CAMTA1: variants seen among roughly 807,000 people sequenced by gnomAD.
CAMTA1 encodes calmodulin binding transcription activator 1.
In CAMTA1, 27 loss-of-function variants were observed where a neutral mutation model predicts 170.9. The observed-to-expected ratio is 0.16, with a 90% confidence interval of 0.12 to 0.22. CAMTA1 has a LOEUF of 0.22. Ranked by LOEUF, CAMTA1 falls within the 10% of genes least tolerant of loss-of-function variation. The pLI, the probability that CAMTA1 is intolerant of heterozygous loss-of-function variation, is 1.00. For synonymous variants in CAMTA1, 833 were observed against 891.5 expected (o/e 0.93, Z 1.17); for missense variants, 1,619 against 2,217.2 (o/e 0.73, Z 5.42).
Position 7,768,828 on chromosome 1 carries a change from G to T in CAMTA1, c.*2337G>T, listed in dbSNP as rs2097039175. ...ACAATTTGACCTATAGGAGGACACT[G>T]AGTAATTTACAAACACAACTGCATT... On this transcript the variant is annotated 3_prime_UTR_variant, in exon 23 of 23. Transcript: ENST00000303635. 6.6e-6 allele frequency: 1 copy of T among 152,486 alleles called. No homozygotes were observed. The highest frequency in any genetic ancestry group is 6.6e-5 in the Admixed American group (1 of 15,260). The allele number at this position is 152,486 out of a possible 1,614,324, so 9.4% of individuals were successfully genotyped here.
At chr1:7,340,552 G>GCCTCCCCC (rs2083734336) in intron 5 of CAMTA1, among the ~76,000 whole-genome samples, 1 of 110,588 alleles carries the variant, frequency 9.0e-6, no homozygotes. Flanking sequence ...CTGCCTGCCT[G>GCCTCCCCC]CCTCCCTCCC....
At position 6,871,797 on chromosome 1, in the gene CAMTA1, A is replaced by G. The variant is rs1668477850; in HGVS notation, c.234+46587A>G. On this transcript the variant is annotated intron_variant, in intron 3 of 22. Transcript: ENST00000303635. ...CGTCCTTTTGGATTTCTTTTTAATA[A>G]TGTGTGACCCTTCACCTTTGATCCC... 3.3e-6 allele frequency: 5 copies of G among 1,534,004 alleles called. No homozygotes were observed. In the East Asian group the frequency reaches 1.2e-4, roughly 38 times the overall value.
chr1:7,473,742 C>T (rs1479738381), intron 6 of CAMTA1, among the ~76,000 whole-genome samples: 1 of 152,240 alleles, frequency 6.6e-6, no homozygotes, highest in Non-Finnish European at 1.5e-5. Context: ...AGGCCGTGAG[C>T]CCTCCTGGCC....
intron 3 of CAMTA1, among the ~76,000 whole-genome samples, chr1:6,868,998 C>G (rs948505958): frequency 6.6e-6 from 1 of 152,196 alleles, no homozygotes; most frequent in Admixed American, 6.5e-5. Context: ...TGTAAAAAGT[C>G]TTCCTTGAGC....
At chr1:7,107,468 G>A (rs1235113055) in intron 4 of CAMTA1, among the ~76,000 whole-genome samples, 1 of 152,170 alleles carries the variant, frequency 6.6e-6, no homozygotes, top group Non-Finnish European at 1.5e-5. Context: ...AGGGTCGGGA[G>A]AGACAATGCT....
At chr1:7,747,301 G>A (rs932396555) in intron 18 of CAMTA1, among the ~76,000 whole-genome samples, 3 of 152,066 alleles carry the variant, frequency 2.0e-5, no homozygotes, top group African/African-American at 4.8e-5. Flanking sequence ...GGTGGGAAGG[G>A]GACCCATGGC....
chr1:6,981,481 G>A (rs777505867), intron 3 of CAMTA1, among the ~76,000 whole-genome samples: 2 of 152,028 alleles, frequency 1.3e-5, no homozygotes, highest in African/African-American at 2.4e-5. Context: ...AACCCAGGCC[G>A]GAGTGCAGTA....
chr1:7,669,945 G>C lies in CAMTA1; in HGVS notation c.2653-966G>C, dbSNP rs572319958. On this transcript the variant is annotated intron_variant, in intron 9 of 22. Transcript: ENST00000303635. ...AATGGCCATGAAGCAGGACTGCCCG[G>C]GCCCCGGACATGAGGCCACCCTCCT... Among the ~76,000 whole-genome samples, 171 of 152,344 alleles carry C rather than the reference G, an allele frequency of 1.1e-3. 1 individual carries two copies. The highest frequency in any genetic ancestry group is 4.0e-3 in the African/African-American group (167 of 41,588).
At position 7,173,677 on chromosome 1, in the gene CAMTA1, C is replaced by T. The variant is rs758149868; in HGVS notation, c.303-75814C>T. The stretch of plus-strand genomic sequence containing the variant: ...TGCTGAGATTACAGGCGTGAGCCAC[C>T]GTGCCCAGCCCAGAGCTTAATTTTT... On this transcript the variant is annotated intron_variant, in intron 4 of 22. Transcript: ENST00000303635. This position sits in a 1 kb window ranked among gnomAD's most constrained non-coding sequence, Gnocchi z 5.4. Among the ~76,000 whole-genome samples the T allele has an allele frequency of 6.6e-6, 1 of 151,588 alleles. No homozygotes were observed. The highest frequency in any genetic ancestry group is 1.5e-5 in the Non-Finnish European group (1 of 67,920).
chr1:7,082,360 C>A (rs993248737), intron 3 of CAMTA1, among the ~76,000 whole-genome samples: 3 of 152,114 alleles, frequency 2.0e-5, no homozygotes, highest in African/African-American at 7.2e-5. Flanking sequence ...ATCTCTTGAA[C>A]CTATGAGGCA....
chr1:7,337,595 A>ATCCAATCACAATGTGGGCT (rs2083475554), intron 5 of CAMTA1, among the ~76,000 whole-genome samples: 1 of 123,470 alleles, frequency 8.1e-6, no homozygotes, highest in African/African-American at 3.6e-5. Flanking sequence ...CAGTGTGGGC[A>ATCCAATCACAATGTGGGCT]GTGGGCCTCA....
In CAMTA1 at chr1:7,010,957, T is replaced by C. The variant is rs1572414110; in HGVS notation, c.235-80347T>C. Among the ~76,000 whole-genome samples the C allele has an allele frequency of 6.6e-6, 1 of 152,164 alleles. No homozygotes were observed. Among genetic ancestry groups the C allele is most frequent in the Non-Finnish European group, 1.5e-5 (1 of 68,028 alleles). On this transcript the variant is annotated intron_variant, in intron 3 of 22. Transcript: ENST00000303635. The surrounding 1 kb of genome is among the most constrained non-coding windows in gnomAD (Gnocchi z 4.4). The stretch of plus-strand genomic sequence containing the variant: ...ACCTGTGCCCAGGTGCAGGTGCTGG[T>C]GAGGGTGGCTGCCGCTGTCCAGCCC...
chr1:6,987,163 G>GTT (rs1444996427), intron 3 of CAMTA1, among the ~76,000 whole-genome samples: 2 of 109,630 alleles, frequency 1.8e-5, no homozygotes, highest in African/African-American at 8.1e-5. Flanking sequence ...CTCAGAGACT[G>GTT]TTTTGTTTTT....
Position 7,682,092 on chromosome 1 carries a change from A to C in CAMTA1, c.2914+4359A>C, listed in dbSNP as rs2096212168. 6.6e-6 allele frequency among the ~76,000 whole-genome samples: 1 copy of C among 151,316 alleles called. No individual in the cohort carries two copies. Among genetic ancestry groups the C allele is most frequent in the East Asian group, 2.0e-4 (1 of 5,110 alleles). ...AACTGAGCCTCCTTGCCTGGGTGAG[A>C]GGATTGGAGTGAGACCTGCGTGCAG... On this transcript the variant is annotated intron_variant, in intron 11 of 22. Coordinates refer to ENST00000303635, the MANE Select transcript of CAMTA1 (RefSeq NM_015215.4). The surrounding 1 kb of genome is among the most constrained non-coding windows in gnomAD (Gnocchi z 5.0).
At chr1:7,020,141 C>G (rs1037929926) in intron 3 of CAMTA1, among the ~76,000 whole-genome samples, 2 of 152,220 alleles carry the variant, frequency 1.3e-5, no homozygotes, top group Admixed American at 1.3e-4. Flanking sequence ...CAATTCTGTT[C>G]AGGAGTATGA....
chr1:6,789,866 A>C (rs1640550440), intron 1 of CAMTA1, among the ~76,000 whole-genome samples: 1 of 133,768 alleles, frequency 7.5e-6, no homozygotes, highest in African/African-American at 2.9e-5. Context: ...GCTGGAGTGC[A>C]GTGGCACGAT....
In CAMTA1 at chr1:7,664,550, C is replaced by A. The variant is rs2095986041; in HGVS notation, c.2003C>A (p.Ser668Tyr). The change falls in exon 9 of 23, where the codon TCC becomes TAC. Residue 668 changes from serine to tyrosine, a missense_variant. Physicochemically the swap from Ser to Tyr is moderately radical, Grantham distance 144 (BLOSUM62 -2). This residue lies in a region of CAMTA1 where 731 missense variants were observed against 907.6 expected (regional missense o/e 0.81). Transcript: ENST00000303635. ...GGTCACGTGGAGACGCGGATCGAGTCCACTTCCTCCCTCCACCTCATGCAG... is the reference window on the plus strand; with the variant it reads ...GGTCACGTGGAGACGCGGATCGAGTACACTTCCTCCCTCCACCTCATGCAG... ...CSGHVETRIE[S>Y]TSSLHLMQFQ... is the part of the protein sequence containing the mutation. 2 of 1,613,096 alleles carry A rather than the reference C, an allele frequency of 1.2e-6. No homozygotes were observed. Among genetic ancestry groups the A allele is most frequent in the Admixed American group, 3.3e-5 (2 of 60,008 alleles).
At chr1:7,253,500 G>A (rs1400122575) in intron 5 of CAMTA1, among the ~76,000 whole-genome samples, 16 of 152,186 alleles carry the variant, frequency 1.1e-4, no homozygotes, top group Non-Finnish European at 2.9e-5. Flanking sequence ...CAGTTTCTTT[G>A]CTGCTGGGTT....
At chr1:6,999,967 G>C (rs1170471313) in intron 3 of CAMTA1, among the ~76,000 whole-genome samples, 1 of 152,244 alleles carries the variant, frequency 6.6e-6, no homozygotes, top group African/African-American at 2.4e-5. Flanking sequence ...TCTATTGCAA[G>C]TCCCCCAACC....
Sources: allele counts gnomAD v4.1 joint callset (sites outside exome capture counted in the v4.1 genomes callset), GRCh38; gene constraint gnomAD v4.1.1; regional missense constraint gnomAD v4.1.1; non-coding constraint Gnocchi (gnomAD v3.1); transcripts MANE v1.5; gene names NCBI Gene and HGNC (gene_info 2026-07-23, HGNC 2026-07-21).